Variants in EP300 observed in about 807,000 individuals in gnomAD.
The protein encoded by EP300 is histone acetyltransferase p300.
Under a neutral mutation model 264.0 loss-of-function variants are expected in EP300, and 31 were observed. The observed-to-expected ratio is 0.12, with a 90% CI of 0.09 to 0.16. The LOEUF (loss-of-function observed/expected upper bound fraction) is 0.16. EP300 is among the 10% of genes least tolerant of loss of function. EP300 has a pLI of 1.00. For missense variants in EP300, 2,766 were observed against 3,052.9 expected, an observed-to-expected ratio of 0.91 and a Z score of 2.21; for synonymous variants, 1,340 against 1,045.4, an observed-to-expected ratio of 1.28 and a Z score of -5.44.
At chr22:41,105,714 A>T (rs935331802) in intron 1 of EP300, among the ~76,000 whole-genome samples, 1 of 152,190 alleles carries the variant, frequency 6.6e-6, no homozygotes, top group East Asian at 1.9e-4. Context: ...GTTTAAAAAG[A>T]ATAAACTTCA....
intron 25 of EP300, chr22:41,169,082 A>C: frequency 1.5e-6 from 1 of 663,462 alleles, no homozygotes; most frequent in Non-Finnish European, 2.6e-6. Flanking sequence ...ATAGTAATAA[A>C]GGATATGAAT....
intron 10 of EP300, 134 bp downstream of exon 10, chr22:41,141,356 AAT>A: frequency 1.1e-6 from 1 of 943,798 alleles, no homozygotes; most frequent in Non-Finnish European, 1.6e-6. Context: ...TTGCAAAGAA[AAT>A]AACTCATCTA....
At chr22:41,168,132 A>G (rs1000303367) in intron 23 of EP300, 2 of 374,334 alleles carry the variant, frequency 5.3e-6, no homozygotes, top group Non-Finnish European at 1.0e-5. Context: ...CCTGTTCTGT[A>G]TTTTTATAAA....
chr22:41,163,989 A>G, intron 21 of EP300, 64 bp from the exon 22 acceptor site: 1 of 1,444,098 alleles, frequency 6.9e-7, no homozygotes, highest in Non-Finnish European at 9.8e-7. Context: ...GTCATGGGAA[A>G]TATTGCAAGT....
intron 1 of EP300, among the ~76,000 whole-genome samples, chr22:41,111,518 TCTTC>T (rs2058790135): frequency 6.6e-6 from 1 of 152,036 alleles, no homozygotes. Flanking sequence ...AAGTTTTGTT[TCTTC>T]CTTTTTCCTT....
At chr22:41,094,431 A>T (rs1168135495) in intron 1 of EP300, among the ~76,000 whole-genome samples, 1 of 152,218 alleles carries the variant, frequency 6.6e-6, no homozygotes, top group African/African-American at 2.4e-5. Context: ...GAAAGATGTG[A>T]AATGAATTTA....
rs1419903766 is a variant in EP300 at position 41,178,219 on chromosome 22, A to T, written c.6508A>T (p.Met2170Leu). The T allele has an allele frequency of 2.5e-6, 4 of 1,614,000 alleles. No individual in the cohort carries two copies. Among genetic ancestry groups the T allele is most frequent in the Non-Finnish European group, 3.4e-6 (4 of 1,180,036 alleles). The part of the protein sequence containing the change: ...GMSPQAQQMN[M>L]NHNTMPSQFR... ...GAGCCCCCAGGCTCAGCAGATGAACATGAACCACAACACCATGCCTTCACA... is the reference window on the plus strand; with the variant it reads ...GAGCCCCCAGGCTCAGCAGATGAACTTGAACCACAACACCATGCCTTCACA... The change falls in exon 31 of 31, where the codon ATG becomes TTG. Residue 2170 changes from methionine (M) to leucine (L), a missense_variant. Coordinates refer to ENST00000263253, the MANE Select transcript of EP300 (RefSeq NM_001429.4).
rs759989339 is a variant in EP300, at chr22:41,149,163, T to C, written c.2367T>C (p.Ala789=). Reference sequence around the variant, plus strand: ...CTTTGGCTCCGTCCAGCGGTCAAGCTCCAGTGTCTCAAGTATGTCTCATAA... The same window carrying C: ...CTTTGGCTCCGTCCAGCGGTCAAGCCCCAGTGTCTCAAGTATGTCTCATAA... ...NIPLAPSSGQ[A]PVSQAQMSSS... is the part of the protein sequence containing the mutation. The change falls in exon 13 of 31, where the codon GCT becomes GCC. Residue 789 remains alanine, a synonymous_variant. Coordinates refer to ENST00000263253, the MANE Select transcript of EP300 (RefSeq NM_001429.4). The C allele has an allele frequency of 7.9e-5, 127 of 1,614,150 alleles. No individual in the cohort carries two copies. Among genetic ancestry groups the C allele is most frequent in the Non-Finnish European group, 1.0e-4 (123 of 1,180,030 alleles).
In EP300 at chr22:41,162,859, A is replaced by G. The variant is rs550719773; in HGVS notation, c.3728+80A>G. Reference sequence around the variant, plus strand: ...CATTCTCTTGAAGTTTGCATGACCAATCAGATGATCCTATATTCTTGGGCT... The same window carrying G: ...CATTCTCTTGAAGTTTGCATGACCAGTCAGATGATCCTATATTCTTGGGCT... On this transcript the variant is annotated intron_variant, in intron 21 of 30. Transcript: ENST00000263253. 52 of 1,171,032 alleles carry G rather than the reference A, an allele frequency of 4.4e-5. No individual in the cohort carries two copies. In the African/African-American group the frequency reaches 5.1e-4, roughly 11 times the overall value. The allele number at this position is 1,171,032 out of a possible 1,614,324, so 72.5% of individuals were successfully genotyped here.
chr22:41,132,351 G>A (rs1198835063), intron 6 of EP300, among the ~76,000 whole-genome samples: 2 of 123,522 alleles, frequency 1.6e-5, no homozygotes, highest in Admixed American at 9.8e-5. Flanking sequence ...GCAGTGGCAC[G>A]ATCTCGGCTC....
At chr22:41,175,410 T>C (rs569148963) in intron 29 of EP300, among the ~76,000 whole-genome samples, 1 of 152,222 alleles carries the variant, frequency 6.6e-6, no homozygotes, top group African/African-American at 2.4e-5. Flanking sequence ...TATATACTAA[T>C]TAATGTCAAA....
chr22:41,126,841 T>G (rs1453248617), intron 3 of EP300, among the ~76,000 whole-genome samples: 1 of 145,030 alleles, frequency 6.9e-6, no homozygotes, highest in Admixed American at 7.3e-5. Context: ...CCCTCCTGGT[T>G]TCAAGCAACT....
At position 41,178,855 on chromosome 22, in the gene EP300, A is replaced by C; in HGVS notation, c.7144A>C (p.Met2382Leu). The C allele has an allele frequency of 1.2e-6, 2 of 1,614,206 alleles. No individual in the cohort carries two copies. The highest frequency in any genetic ancestry group is 1.7e-6 in the Non-Finnish European group (2 of 1,180,042). ...MLSQLASNPG[M>L]ANLHGASATD... ...TTCTCAGCTTGCTAGCAATCCAGGC[A>C]TGGCAAACCTCCATGGTGCAAGCGC... The change falls in exon 31 of 31, where the codon ATG (methionine) becomes CTG (leucine). Residue 2382 changes from methionine (M) to leucine (L), a missense_variant. Met to Leu is a conservative substitution (Grantham distance 15). Coordinates refer to ENST00000263253, the MANE Select transcript of EP300 (RefSeq NM_001429.4).
At chr22:41,167,580 G>A (rs1417010926) in intron 23 of EP300, among the ~76,000 whole-genome samples, 36 of 30,126 alleles carry the variant, frequency 1.2e-3, no homozygotes, top group African/African-American at 3.6e-3. Context: ...GTGTGTGTGT[G>A]TGTGTATATA....
intron 8 of EP300, 88 bp downstream of exon 8, chr22:41,137,878 A>T: frequency 6.4e-7 from 1 of 1,570,004 alleles, no homozygotes; most frequent in South Asian, 1.1e-5. Context: ...TACTAAAGGA[A>T]TATTAGCAAT....
chr22:41,108,127 T>G (rs1253294227), intron 1 of EP300: 2 of 152,202 alleles, frequency 1.3e-5, no homozygotes, highest in African/African-American at 4.8e-5. Context: ...ATGTTTTGAC[T>G]CAACACTAGT....
In EP300 at chr22:41,163,757, AC is replaced by A. The variant is rs2059120347; in HGVS notation, c.3729-295del. 4.6e-5 allele frequency among the ~76,000 whole-genome samples: 7 copies of A among 151,930 alleles called. No homozygotes were observed. In the South Asian group the frequency reaches 1.5e-3, roughly 32 times the overall value. On this transcript the variant is annotated intron_variant, in intron 21 of 30. Transcript: ENST00000263253. ...GAGAGACTCCATCTCAGAAAACAAA[AC>A]AAAAAACAGCCAGGCATGATAGTAT...
rs528294138 is a variant in EP300 at position 41,179,074 on chromosome 22, A to G, written c.*118A>G. 32 of 1,237,040 alleles carry G rather than the reference A, an allele frequency of 2.6e-5. No individual in the cohort carries two copies. Among genetic ancestry groups the G allele is most frequent in the Middle Eastern group, 2.4e-4 (1 of 4,102 alleles). The allele number at this position is 1,237,040 out of a possible 1,614,324, so 76.6% of individuals were successfully genotyped here. A position where few individuals can be genotyped will look rare whatever the true frequency, so the allele number is the denominator to read the frequency against. On this transcript the variant is annotated 3_prime_UTR_variant, in exon 31 of 31. Transcript: ENST00000263253. ...TAAAAGACAATTTTCCTTGGAACAC[A>G]TAAGAACTGTGCAGTAGCCGTTTGT...
chr22:41,102,715 G>A (rs1189693741), intron 1 of EP300, among the ~76,000 whole-genome samples: 1 of 152,110 alleles, frequency 6.6e-6, no homozygotes, highest in Non-Finnish European at 1.5e-5. Flanking sequence ...CACAGAAGAT[G>A]GAAAGAAGTG....
Sources: allele counts gnomAD v4.1 joint callset (sites outside exome capture counted in the v4.1 genomes callset), GRCh38; gene constraint gnomAD v4.1.1; transcripts MANE v1.5; gene names NCBI Gene and HGNC (gene_info 2026-07-23, HGNC 2026-07-21).